Variants in FBXW12 observed in about 807,000 individuals in gnomAD.
The protein encoded by FBXW12 is F-box/WD repeat-containing protein 12.
In FBXW12, 43 loss-of-function variants were observed where a neutral mutation model predicts 55.3. The observed-to-expected ratio is 0.78, with a 90% CI of 0.61 to 1.00. The LOEUF (loss-of-function observed/expected upper bound fraction) is 1.00, where lower values mean the gene tolerates loss of function less well. Ranked by LOEUF, FBXW12 falls within the 50% of genes least tolerant of loss-of-function variation. The pLI is 0.00. For missense variants in FBXW12, 524 were observed against 560.5 expected (o/e 0.93, Z 0.66); for synonymous variants, 184 against 203.8 (o/e 0.90, Z 0.83).
intron 10 of FBXW12, among the ~76,000 whole-genome samples, chr3:48,385,066 C>A (rs2036827470): frequency 6.6e-6 from 1 of 152,178 alleles, no homozygotes; most frequent in Non-Finnish European, 1.5e-5. Context: ...ATCTCTGAAA[C>A]TTATTCCTCC....
At position 48,381,794 on chromosome 3, in the gene FBXW12, A is replaced by G. The variant is rs753879415; in HGVS notation, c.1080A>G (p.Gly360=). Residue 360 remains glycine (G), a synonymous_variant, in exon 9 of 11, where the codon GGA becomes GGG. Coordinates refer to ENST00000296438, the MANE Select transcript of FBXW12 (RefSeq NM_207102.2). The part of the protein sequence containing the change: ...SDGYMIVFTS[G]PYLLLFSITG... ...GATATATGATTGTCTTTACCAGTGGACCATACTTGTTACTCTTCAGCATCA... is the reference window on the plus strand; with the variant it reads ...GATATATGATTGTCTTTACCAGTGGGCCATACTTGTTACTCTTCAGCATCA... The G allele has an allele frequency of 3.1e-6, 5 of 1,612,736 alleles. No homozygotes were observed. In the South Asian group the frequency reaches 3.3e-5, roughly 11 times the overall value.
At chr3:48,382,323 GCCAGGATGGTC>G (rs2036789516) in intron 10 of FBXW12, among the ~76,000 whole-genome samples, 1 of 152,088 alleles carries the variant, frequency 6.6e-6, no homozygotes, top group Non-Finnish European at 1.5e-5. Context: ...CCCCATGTTG[GCCAGGATGGTC>G]TCGATCTCCT....
chr3:48,378,446 G>C lies in FBXW12; in HGVS notation c.535G>C (p.Asp179His). The change falls in exon 6 of 11, where the codon GAC becomes CAC. Residue 179 changes from aspartate to histidine, a missense_variant. By Grantham distance (81) the Asp-to-His change is moderately conservative. Coordinates refer to ENST00000296438, the MANE Select transcript of FBXW12 (RefSeq NM_207102.2). ...TIKVWNCQDRDALAVLPMPQP... is the reference protein window; with the variant it reads ...TIKVWNCQDRHALAVLPMPQP... The stretch of plus-strand genomic sequence containing the variant: ...CAAAGTGTGGAACTGTCAGGACAGG[G>C]ACGCTCTGGCTGTTCTCCCCATGCC... 6.2e-7 allele frequency: 1 copy of C among 1,614,058 alleles called. No individual in the cohort carries two copies. The highest frequency in any genetic ancestry group is 8.5e-7 in the Non-Finnish European group (1 of 1,180,028).
intron 5 of FBXW12, among the ~76,000 whole-genome samples, chr3:48,376,542 A>G (rs893129336): frequency 2.0e-5 from 3 of 152,224 alleles, no homozygotes; most frequent in African/African-American, 7.2e-5. Flanking sequence ...TATAAACTGC[A>G]GTGAGGTTCT....
At chr3:48,384,538 T>C (rs1384696015) in intron 10 of FBXW12, among the ~76,000 whole-genome samples, 1 of 152,252 alleles carries the variant, frequency 6.6e-6, no homozygotes, top group Admixed American at 6.5e-5. Context: ...CCTTTTTGCA[T>C]TGGCTATAAC....
At chr3:48,387,544 CTAGTTTGT>C (rs1167172617) in intron 10 of FBXW12, among the ~76,000 whole-genome samples, 1 of 95,396 alleles carries the variant, frequency 1.0e-5, no homozygotes, top group East Asian at 3.5e-4. Flanking sequence ...GCTATTTTTT[CTAGTTTGT>C]TTGTTTGTTT....
intron 10 of FBXW12, among the ~76,000 whole-genome samples, chr3:48,382,455 CAG>C (rs1491257606): frequency 7.7e-6 from 1 of 129,410 alleles, no homozygotes; most frequent in South Asian, 2.3e-4. Context: ...GAAGGGAAAA[CAG>C]GGGTTTTTTT....
At chr3:48,382,382 T>TG (rs1226907145) in intron 10 of FBXW12, among the ~76,000 whole-genome samples, 2 of 152,252 alleles carry the variant, frequency 1.3e-5, no homozygotes, top group South Asian at 2.1e-4. Context: ...CCCAAAGTGC[T>TG]GGATTACAGG....
intron 10 of FBXW12, among the ~76,000 whole-genome samples, chr3:48,390,197 A>G (rs1021040890): frequency 2.0e-5 from 3 of 152,092 alleles, no homozygotes; most frequent in Non-Finnish European, 2.9e-5. Context: ...GCTATTTAAT[A>G]TGGAATCAGG....
chr3:48,374,764 C>CT (rs66751439), intron 4 of FBXW12, among the ~76,000 whole-genome samples: 37,390 of 82,696 alleles, frequency 0.45, 9,235 homozygotes, highest in Non-Finnish European at 0.51. Flanking sequence ...CCTGATAACA[C>CT]TTTTTTTTTT....
chr3:48,378,613 CTTTTTTT>C, intron 6 of FBXW12, 87 bp downstream of exon 6: 4 of 587,054 alleles, frequency 6.8e-6, no homozygotes, highest in East Asian at 4.0e-5. Flanking sequence ...TGTCCTATCC[CTTTTTTT>C]TTTTTTTTTT....
At chr3:48,380,232 G>A in intron 7 of FBXW12, 1 of 156,580 alleles carries the variant, frequency 6.4e-6, no homozygotes, top group Non-Finnish European at 1.4e-5. Context: ...GCAAAGTGTA[G>A]AGAAGTCCAA....
rs759965745 is a variant in FBXW12, at chr3:48,381,775, T to C, written c.1061T>C (p.Met354Thr). 106 of 1,612,110 alleles carry C rather than the reference T, an allele frequency of 6.6e-5. No homozygotes were observed. The highest frequency in any genetic ancestry group is 8.2e-5 in the Non-Finnish European group (97 of 1,178,702). Residue 354 changes from methionine to threonine, a missense_variant, in exon 9 of 11, where the codon ATG becomes ACG. Transcript: ENST00000296438. Reference protein sequence around the residue: ...PIWMGASDGYMIVFTSGPYLL... With the variant: ...PIWMGASDGYTIVFTSGPYLL... The stretch of plus-strand genomic sequence containing the variant: ...TGGATGGGAGCCAGTGATGGATATA[T>C]GATTGTCTTTACCAGTGGACCATAC...
At chr3:48,392,066 C>T (rs2036936315) in intron 10 of FBXW12, among the ~76,000 whole-genome samples, 1 of 152,100 alleles carries the variant, frequency 6.6e-6, no homozygotes, top group Admixed American at 6.5e-5. Context: ...TATTTCTGGG[C>T]CTTCTATCCC....
chr3:48,392,450 CAAAAAAAAAAAAAAA>C (rs33965777), intron 10 of FBXW12, among the ~76,000 whole-genome samples: 1 of 72,664 alleles, frequency 1.4e-5, no homozygotes, highest in African/African-American at 5.5e-5. Context: ...CACTCAGTCT[CAAAAAAAAAAAAAAA>C]AAAAAAAAAA....
chr3:48,381,027 T>G (rs1187686027), intron 8 of FBXW12, 115 bp downstream of exon 8: 3 of 821,050 alleles, frequency 3.7e-6, no homozygotes, highest in Non-Finnish European at 3.7e-6. Flanking sequence ...TTCTAGTTTT[T>G]TTTTTTTTTT....
chr3:48,373,577 G>C lies in FBXW12; in HGVS notation c.158G>C (p.Ser53Thr). 2 of 1,614,090 alleles carry C rather than the reference G, an allele frequency of 1.2e-6. No individual in the cohort carries two copies. The highest frequency in any genetic ancestry group is 1.7e-6 in the Non-Finnish European group (2 of 1,179,996). The change falls in exon 4 of 11, where the codon AGC becomes ACC. Residue 53 changes from serine to threonine, a missense_variant. Physicochemically the swap from Ser to Thr is moderately conservative, Grantham distance 58. Coordinates refer to ENST00000296438, the MANE Select transcript of FBXW12 (RefSeq NM_207102.2). Reference sequence around the variant, plus strand: ...CTATCTCTGCAGAGATGGGACTGCAGCAACTTCACCAATCAACACCTGGGC... The same window carrying C: ...CTATCTCTGCAGAGATGGGACTGCACCAACTTCACCAATCAACACCTGGGC... ...RSLSLQRWDC[S>T]NFTNQHLGTH...
At chr3:48,380,976 C>A in intron 8 of FBXW12, 64 bp downstream of exon 8, 1 of 1,397,430 alleles carries the variant, frequency 7.2e-7, no homozygotes, top group Non-Finnish European at 1.0e-6. Context: ...TCGTGTTTAG[C>A]TCTAATAAAT....
In FBXW12 at chr3:48,391,317, T is replaced by TACAC. The variant is rs140067012; in HGVS notation, c.1296-3207_1296-3204dup. 2.6e-3 allele frequency among the ~76,000 whole-genome samples: 343 copies of TACAC among 133,172 alleles called. No individual in the cohort carries two copies. In the Middle Eastern group the frequency reaches 0.029, roughly 11 times the overall value. The allele number at this position is 133,172 out of a possible 152,430, so 87.4% of individuals were successfully genotyped here. On this transcript the variant is annotated intron_variant, in intron 10 of 10. Transcript: ENST00000296438. ...AAAAAATACATATTATATCTATCTA[T>TACAC]ACACACACACACACACACACACACA...
Sources: allele counts gnomAD v4.1 joint callset (sites outside exome capture counted in the v4.1 genomes callset), GRCh38; gene constraint gnomAD v4.1.1; transcripts MANE v1.5; gene names NCBI Gene and HGNC (gene_info 2026-07-23, HGNC 2026-07-21).